The following RNLS variants were observed in gnomAD, a reference collection of about 807,000 sequenced individuals.
RNLS encodes the protein renalase, FAD dependent amine oxidase, also known as renalase.
RNLS carries 39 observed loss-of-function variants against 39.8 expected under a neutral mutation model. The observed-to-expected ratio is 0.98, with a 90% CI of 0.76 to 1.28. RNLS has a LOEUF of 1.28. Ranked by LOEUF, RNLS falls within the 50% of genes most tolerant of loss-of-function variation. The pLI is 0.00. For missense variants in RNLS, 410 were observed against 413.3 expected (o/e 0.99, Z 0.07); for synonymous variants, 147 against 150.7 (o/e 0.98, Z 0.18).
chr10:88,550,511 A>C (rs894779947), intron 4 of RNLS, among the ~76,000 whole-genome samples: 5 of 152,206 alleles, frequency 3.3e-5, no homozygotes, highest in Admixed American at 1.3e-4. Context: ...GAAAGACTCA[A>C]GAAACTCAAA....
chr10:88,565,019 A>G (rs566264201), intron 4 of RNLS, among the ~76,000 whole-genome samples: 14 of 152,166 alleles, frequency 9.2e-5, no homozygotes, highest in Non-Finnish European at 2.1e-4. Flanking sequence ...GAGAATGAGA[A>G]GAAAAACACA....
chr10:88,262,544 T>G, the RNLS span, among the ~76,000 whole-genome samples: 7 of 152,168 alleles, frequency 4.6e-5, no homozygotes, highest in Non-Finnish European at 7.4e-5. Context: ...TATTTCTGAT[T>G]GGCTACTAGT....
intron 4 of RNLS, among the ~76,000 whole-genome samples, chr10:88,451,187 G>C (rs1394075478): frequency 1.3e-5 from 2 of 152,110 alleles, no homozygotes; most frequent in East Asian, 1.9e-4. Context: ...ATTCATTAGA[G>C]GTCTGCCTAG....
At chr10:88,535,814 G>A (rs1041137535) in intron 4 of RNLS, among the ~76,000 whole-genome samples, 6 of 152,144 alleles carry the variant, frequency 3.9e-5, no homozygotes, top group African/African-American at 1.4e-4. Flanking sequence ...GGATTCTAGG[G>A]AAGGTTGAAA....
intron 4 of RNLS, among the ~76,000 whole-genome samples, chr10:88,570,238 A>T (rs1419575950): frequency 6.6e-6 from 1 of 152,220 alleles, no homozygotes; most frequent in Non-Finnish European, 1.5e-5. Context: ...AAAAAGCATT[A>T]AAAAATAAGG....
the RNLS span, among the ~76,000 whole-genome samples, chr10:88,172,842 G>GTTTTTTGTTTTT: frequency 2.3e-5 from 1 of 43,778 alleles, no homozygotes; most frequent in African/African-American, 1.2e-4. Flanking sequence ...ATTTTGAGTT[G>GTTTTTTGTTTTT]TTTTTTTTTT....
intron 5 of RNLS, among the ~76,000 whole-genome samples, chr10:88,340,844 G>A (rs1052805894): frequency 1.3e-5 from 2 of 150,242 alleles, no homozygotes; most frequent in South Asian, 2.1e-4. Flanking sequence ...GGCAGATCAC[G>A]AGGTCAGGAG....
At chr10:88,490,224 TCAA>T (rs1224953694) in intron 4 of RNLS, among the ~76,000 whole-genome samples, 1 of 152,204 alleles carries the variant, frequency 6.6e-6, no homozygotes, top group African/African-American at 2.4e-5. Context: ...TTGCAGTGCC[TCAA>T]CGTTATTTTG....
intron 4 of RNLS, among the ~76,000 whole-genome samples, chr10:88,520,755 A>G (rs1236152446): frequency 1.3e-5 from 2 of 152,056 alleles, no homozygotes; most frequent in Non-Finnish European, 2.9e-5. Flanking sequence ...ATACTGGCCT[A>G]TTAAAACAAA....
chr10:88,180,785 C>T, the RNLS span, among the ~76,000 whole-genome samples: 15 of 152,098 alleles, frequency 9.9e-5, no homozygotes, highest in African/African-American at 3.1e-4. Context: ...ATACATATAT[C>T]AAACAGATTT....
the RNLS span, among the ~76,000 whole-genome samples, chr10:88,238,577 A>G: frequency 6.6e-6 from 1 of 152,248 alleles, no homozygotes; most frequent in African/African-American, 2.4e-5. Flanking sequence ...GAACTCATGC[A>G]CAATAACCTG....
At chr10:88,256,764 G>A in the RNLS span, among the ~76,000 whole-genome samples, 5 of 152,022 alleles carry the variant, frequency 3.3e-5, no homozygotes, top group Non-Finnish European at 2.9e-5. Context: ...TCTTAGTCCC[G>A]AAAATGAATA....
At chr10:88,271,702 A>G (rs1266933175), downstream of RNLS, among the ~76,000 whole-genome samples, 3 of 152,136 alleles carry the variant, frequency 2.0e-5, no homozygotes, top group Admixed American at 1.3e-4. Flanking sequence ...AACAATTGGT[A>G]TCTTTCATCT....
At chr10:88,291,971 T>C (rs914305052) in intron 6 of RNLS, among the ~76,000 whole-genome samples, 11 of 152,148 alleles carry the variant, frequency 7.2e-5, no homozygotes, top group African/African-American at 2.7e-4. Flanking sequence ...CAAAATTGTA[T>C]GCTAAAAATA....
At chr10:88,226,099 T>G in the RNLS span, among the ~76,000 whole-genome samples, 3 of 152,230 alleles carry the variant, frequency 2.0e-5, no homozygotes, top group African/African-American at 7.2e-5. Flanking sequence ...ACTTTTGAAC[T>G]GTTGAAGTTC....
chr10:88,277,552 A>G (rs1001223581), intron 6 of RNLS, among the ~76,000 whole-genome samples: 5 of 152,126 alleles, frequency 3.3e-5, no homozygotes, highest in African/African-American at 1.2e-4. Flanking sequence ...ATTTGCTTTG[A>G]TTATTTTGGC....
chr10:88,522,605 T>TC (rs376732472), intron 4 of RNLS, among the ~76,000 whole-genome samples: 10 of 152,200 alleles, frequency 6.6e-5, no homozygotes, highest in African/African-American at 2.4e-4. Context: ...GGCTCACCAC[T>TC]GGTCAACCCT....
At chr10:88,458,176 A>T (rs1207791977) in intron 4 of RNLS, among the ~76,000 whole-genome samples, 1 of 152,198 alleles carries the variant, frequency 6.6e-6, no homozygotes, top group Non-Finnish European at 1.5e-5. Flanking sequence ...AGGACATGTT[A>T]GCCAAGTAGG....
chr10:88,424,433 T>C (rs1033237220), intron 4 of RNLS, among the ~76,000 whole-genome samples: 2 of 152,020 alleles, frequency 1.3e-5, no homozygotes, highest in African/African-American at 4.8e-5. Flanking sequence ...GTGGCTTGAA[T>C]GTAGTTTCAT....
Sources: gnomAD v4.1 joint callset for allele counts (sites outside exome capture counted in the v4.1 genomes callset) on GRCh38, gnomAD v4.1.1 for gene constraint, MANE v1.5 for transcripts, NCBI Gene and HGNC (gene_info 2026-07-23, HGNC 2026-07-21) for gene names.